The following TSGA13 variants were observed in gnomAD, a reference collection of about 807,000 sequenced individuals.
TSGA13 encodes the protein testis specific 13.
Under a neutral mutation model 35.1 loss-of-function variants are expected in TSGA13, and 37 were observed. The ratio of observed to expected loss-of-function variants is 1.05; its 90% CI spans 0.81 to 1.39. The LOEUF (loss-of-function observed/expected upper bound fraction) is 1.39. Ranked by LOEUF, TSGA13 falls within the 40% of genes most tolerant of loss-of-function variation. The probability of loss-of-function intolerance (pLI) is 0.00; values close to 1 mark genes in which losing one functional copy is unlikely to be tolerated. For synonymous variants in TSGA13, 124 were observed against 121.2 expected, an observed-to-expected ratio of 1.02 and a Z score of -0.15; for missense variants, 338 against 328.5, an observed-to-expected ratio of 1.03 and a Z score of -0.22.
At position 130,683,626 on chromosome 7, in the gene TSGA13, G is replaced by A. The variant is rs77973466; in HGVS notation, c.70C>T (p.Arg24Cys). ...CTATTGACAACCATTCCTTTCTCAC[G>A]TTTAGCTGAGCTATTTTCTGAAGTC... is the stretch of plus-strand genomic sequence containing the variant. Reference protein sequence around the residue: ...SKTSENSSAKREKGMVVNSKE... With the variant: ...SKTSENSSAKCEKGMVVNSKE... The change falls in exon 3 of 8, where the codon CGT (arginine) becomes TGT (cysteine). Residue 24 changes from arginine (R) to cysteine (C), a missense_variant. Arg to Cys is a radical substitution (Grantham distance 180). Transcript: ENST00000356588. 5,371 of 1,613,732 alleles carry A rather than the reference G, an allele frequency of 3.3e-3. 247 individuals are homozygous for A. In the East Asian group the frequency reaches 0.098, roughly 30 times the overall value.
chr7:130,685,109 A>G (rs1395047471), intron 2 of TSGA13, 79 bp downstream of exon 2: 9 of 1,373,508 alleles, frequency 6.6e-6, no homozygotes, highest in Non-Finnish European at 1.0e-6. Context: ...GACCAGCACC[A>G]TTCAACGTGC....
At chr7:130,679,676 A>T (rs140641316) in intron 4 of TSGA13, among the ~76,000 whole-genome samples, 128 of 151,940 alleles carry the variant, frequency 8.4e-4, no homozygotes, top group African/African-American at 2.8e-3. Flanking sequence ...TGTCCAGCTG[A>T]TTTTTGTGGG....
rs782487922 is a variant in TSGA13, at chr7:130,668,695, C to A, written c.*319G>T. The A allele has an allele frequency of 6.6e-6, 10 of 1,521,738 alleles. No homozygotes were observed. The highest frequency in any genetic ancestry group is 6.2e-5 in the Admixed American group (3 of 48,046). The allele number at this position is 1,521,738 out of a possible 1,614,324, so 94.3% of individuals were successfully genotyped here. ...TTGGACGACTTCCCAGCGCCCAGACCCACCGCAACCGTCCCAGGCGCCGCA... is the reference window on the plus strand; with the variant it reads ...TTGGACGACTTCCCAGCGCCCAGACACACCGCAACCGTCCCAGGCGCCGCA... On this transcript the variant is annotated 3_prime_UTR_variant, in exon 8 of 8. Coordinates refer to ENST00000356588, the MANE Select transcript of TSGA13 (RefSeq NM_052933.4).
In TSGA13 at chr7:130,669,006, G is replaced by T; in HGVS notation, c.*8C>A. 6.2e-7 allele frequency: 1 copy of T among 1,613,866 alleles called. No individual in the cohort carries two copies. The highest frequency in any genetic ancestry group is 8.5e-7 in the Non-Finnish European group (1 of 1,179,956). On this transcript the variant is annotated 3_prime_UTR_variant, in exon 8 of 8. Coordinates refer to ENST00000356588, the MANE Select transcript of TSGA13 (RefSeq NM_052933.4). Reference sequence around the variant, plus strand: ...GAGAGCGAGGCGGGAGGACTGAGGGGTCTGTGTTCACCCGATGACCGTGGC... The same window carrying T: ...GAGAGCGAGGCGGGAGGACTGAGGGTTCTGTGTTCACCCGATGACCGTGGC...
In TSGA13 at chr7:130,668,968, C is replaced by T. The variant is rs1554462346; in HGVS notation, c.*46G>A. On this transcript the variant is annotated 3_prime_UTR_variant, in exon 8 of 8. Transcript: ENST00000356588. The stretch of plus-strand genomic sequence containing the variant: ...TATTTGGGTGGCGACTTCTGCGGAC[C>T]CCTCAGTCTCAAGAGAGCGAGGCGG... The T allele has an allele frequency of 1.3e-6, 2 of 1,585,836 alleles. No individual in the cohort carries two copies. The highest frequency in any genetic ancestry group is 1.1e-5 in the South Asian group (1 of 88,514).
chr7:130,681,123 C>A, intron 3 of TSGA13, 106 bp from the exon 4 acceptor site: 1 of 936,354 alleles, frequency 1.1e-6, no homozygotes. Flanking sequence ...CTCTAACTTA[C>A]ACTAAGTAAG....
In TSGA13 at chr7:130,679,232, G is replaced by T; in HGVS notation, c.310C>A (p.Pro104Thr). Residue 104 changes from proline (P) to threonine (T), a missense_variant, in exon 5 of 8, where the codon CCT becomes ACT. Pro to Thr is a conservative substitution (Grantham distance 38). Coordinates refer to ENST00000356588, the MANE Select transcript of TSGA13 (RefSeq NM_052933.4). ...KTLLIMTNNP[P>T]PCSITQQDKE... is the part of the protein sequence containing the mutation. ...TCTTGCTGGGTGATTGAGCAGGGAG[G>T]TGGGTTGTTGGTCATAATCAGTAAC... 6.2e-7 allele frequency: 1 copy of T among 1,614,166 alleles called. No homozygotes were observed.
At chr7:130,673,816 C>G (rs975460494) in intron 5 of TSGA13, among the ~76,000 whole-genome samples, 10 of 152,282 alleles carry the variant, frequency 6.6e-5, no homozygotes, top group Middle Eastern at 6.8e-3. Flanking sequence ...CAAAAGTCAA[C>G]CAGGCACGGT....
intron 7 of TSGA13, among the ~76,000 whole-genome samples, chr7:130,669,914 A>G (rs555154566): frequency 3.9e-5 from 6 of 152,314 alleles, no homozygotes; most frequent in African/African-American, 1.2e-4. Context: ...GCTTTGGGGA[A>G]GGAAACATCC....
intron 3 of TSGA13, 35 bp downstream of exon 3, chr7:130,683,559 A>T: frequency 6.3e-7 from 1 of 1,596,016 alleles, no homozygotes; most frequent in Non-Finnish European, 8.5e-7. Flanking sequence ...CTCCAAAGAA[A>T]AATTAAACAT....
intron 3 of TSGA13, among the ~76,000 whole-genome samples, chr7:130,681,359 A>G (rs1286672777): frequency 2.6e-5 from 4 of 152,190 alleles, no homozygotes; most frequent in African/African-American, 7.2e-5. Context: ...CTTCTTTCTT[A>G]TGCCTTTTCC....
intron 7 of TSGA13, among the ~76,000 whole-genome samples, chr7:130,670,181 A>G (rs1554462745): frequency 6.6e-6 from 1 of 152,202 alleles, no homozygotes; most frequent in Non-Finnish European, 1.5e-5. Context: ...TGCAGTATTT[A>G]CGGAGTTAAG....
At chr7:130,669,669 G>A (rs1796208615) in intron 7 of TSGA13, among the ~76,000 whole-genome samples, 1 of 152,188 alleles carries the variant, frequency 6.6e-6, no homozygotes, top group African/African-American at 2.4e-5. Context: ...TTCTAACCTA[G>A]ATTACATTCT....
Position 130,681,033 on chromosome 7 carries a change from A to T in TSGA13, c.103-16T>A. The T allele has an allele frequency of 6.2e-7, 1 of 1,613,600 alleles. No homozygotes were observed. ...CATCAGAAATCTAAAGAGGATAATC[A>T]AAGTTAGTGGTTTGAAGTTGCACCT... On this transcript the variant is annotated splice_polypyrimidine_tract_variant and intron_variant, in intron 3 of 7. Transcript: ENST00000356588.
chr7:130,681,230 C>G (rs191639620), intron 3 of TSGA13, among the ~76,000 whole-genome samples: 4 of 152,120 alleles, frequency 2.6e-5, no homozygotes, highest in African/African-American at 9.7e-5. Flanking sequence ...ACCTCCTGAC[C>G]GTGACACTTG....
intron 5 of TSGA13, among the ~76,000 whole-genome samples, chr7:130,673,503 C>T (rs1490814429): frequency 1.3e-5 from 2 of 152,118 alleles, no homozygotes; most frequent in African/African-American, 2.4e-5. Context: ...ATAGATATCT[C>T]CCTGTAACTT....
chr7:130,676,943 A>C (rs1231241138), intron 5 of TSGA13, among the ~76,000 whole-genome samples: 3 of 148,776 alleles, frequency 2.0e-5, no homozygotes, highest in Non-Finnish European at 4.4e-5. Context: ...CCCAGGCTGG[A>C]GTGCAGTGGT....
chr7:130,686,626 G>T (rs1554465767), upstream of TSGA13: 1 of 149,562 alleles, frequency 6.7e-6, no homozygotes, highest in African/African-American at 2.5e-5. Flanking sequence ...GAATGAAAAG[G>T]CCAAAACTTA....
intron 5 of TSGA13, among the ~76,000 whole-genome samples, chr7:130,677,908 A>G (rs1554464361): frequency 6.6e-6 from 1 of 152,150 alleles, no homozygotes; most frequent in East Asian, 1.9e-4. Context: ...ATATTCTTCT[A>G]TTACTTTAAC....
Sources: allele counts gnomAD v4.1 joint callset (sites outside exome capture counted in the v4.1 genomes callset), GRCh38; gene constraint gnomAD v4.1.1; transcripts MANE v1.5; gene names NCBI Gene and HGNC (gene_info 2026-07-23, HGNC 2026-07-21).